The following LARP4 variants were observed in gnomAD, a reference collection of about 807,000 sequenced individuals.
LARP4 encodes La ribonucleoprotein 4, also known as la-related protein 4.
A neutral mutation model predicts 92.9 loss-of-function variants in LARP4; 29 were observed. The observed-to-expected ratio is 0.31, with a 90% CI of 0.23 to 0.43. LARP4 has a LOEUF of 0.43. LARP4 is among the 20% of genes least tolerant of loss of function. The pLI is 1.00. For synonymous variants in LARP4, 279 were observed against 284.1 expected (o/e 0.98, Z 0.18); for missense variants, 732 against 860.0 (o/e 0.85, Z 1.86).
chr12:50,407,245 C>G (rs904871269), intron 1 of LARP4, among the ~76,000 whole-genome samples: 1 of 150,812 alleles, frequency 6.6e-6, no homozygotes, highest in African/African-American at 2.4e-5. Context: ...AGGCTGGTCT[C>G]GAACTCCTGA....
intron 1 of LARP4, among the ~76,000 whole-genome samples, chr12:50,424,433 A>G (rs1185529056): frequency 6.7e-6 from 1 of 149,250 alleles, no homozygotes; most frequent in Non-Finnish European, 1.5e-5. Context: ...ATCTCGGCTC[A>G]CCGCAACCAC....
chr12:50,436,308 C>T (rs1434176778), intron 5 of LARP4, among the ~76,000 whole-genome samples: 2 of 151,914 alleles, frequency 1.3e-5, no homozygotes, highest in African/African-American at 2.4e-5. Context: ...TGAGCCACCA[C>T]CCCCGGCCTA....
chr12:50,440,680 C>A, intron 7 of LARP4, 131 bp downstream of exon 7: 1 of 587,598 alleles, frequency 1.7e-6, no homozygotes, highest in Non-Finnish European at 3.0e-6. Context: ...CACCCTTTTG[C>A]TTTTGCTCAA....
intron 4 of LARP4, among the ~76,000 whole-genome samples, chr12:50,432,854 T>A (rs1159036426): frequency 3.9e-5 from 4 of 103,132 alleles, no homozygotes; most frequent in Admixed American, 1.1e-4. Context: ...GAGCGAGACT[T>A]CGTTTCAAAA....
chr12:50,451,260 C>T (rs909222225), intron 8 of LARP4, among the ~76,000 whole-genome samples: 8 of 152,170 alleles, frequency 5.3e-5, no homozygotes, highest in Non-Finnish European at 8.8e-5. Context: ...CACCATTATA[C>T]TGTCTCTATG....
Position 50,426,717 on chromosome 12 carries a change from GT to G in LARP4, c.19-1044del, listed in dbSNP as rs1206892202. ...TGTGTGTGTGTGTGTGTGTGTGTGT[GT>G]GTGTGTGTGTGTGGTTTTTTTTTTT... On this transcript the variant is annotated intron_variant, in intron 1 of 15. Transcript: ENST00000398473. 5.4e-4 allele frequency among the ~76,000 whole-genome samples: 74 copies of G among 136,012 alleles called. 1 individual carries two copies. The highest frequency in any genetic ancestry group is 7.3e-4 in the African/African-American group (24 of 32,956). The allele number at this position is 136,012 out of a possible 152,430, so 89.2% of individuals were successfully genotyped here.
intron 10 of LARP4, among the ~76,000 whole-genome samples, chr12:50,459,516 C>T (rs149861807): frequency 1.3e-5 from 2 of 151,934 alleles, no homozygotes; most frequent in East Asian, 3.9e-4. Flanking sequence ...CTCCCATTAG[C>T]GTGGTTTTGC....
Position 50,475,534 on chromosome 12 carries a change from A to G in LARP4, c.1845A>G (p.Arg615=). The G allele has an allele frequency of 6.3e-7, 1 of 1,598,842 alleles. No homozygotes were observed. The highest frequency in any genetic ancestry group is 8.5e-7 in the Non-Finnish European group (1 of 1,173,886). The part of the protein sequence containing the change: ...AATAVALQEP[R]KLSYAEVCQK... ...TTATCATCACTTCAAAGGAACCCCG[A>G]AAGTTAAGTTATGCTGAAGTGTGCC... Residue 615 remains arginine, a synonymous_variant, in exon 16 of 16, where the codon CGA becomes CGG. Transcript: ENST00000398473.
chr12:50,410,507 G>A (rs192765372), intron 1 of LARP4, among the ~76,000 whole-genome samples: 20 of 150,660 alleles, frequency 1.3e-4, no homozygotes, highest in East Asian at 5.9e-4. Flanking sequence ...CTGGGTTCAC[G>A]CCATTCTCCT....
chr12:50,417,310 G>C (rs1946979033), intron 1 of LARP4, among the ~76,000 whole-genome samples: 1 of 151,372 alleles, frequency 6.6e-6, no homozygotes, highest in Non-Finnish European at 1.5e-5. Flanking sequence ...AGGAGACAGA[G>C]GATGCAGTGA....
In LARP4 at chr12:50,476,023, A is replaced by C; in HGVS notation, c.*159A>C. ...TTGGAGTTGTGAGTGATAGGATCCC[A>C]AAATTCATCTCTAATGTGGTTTTTA... is the stretch of plus-strand genomic sequence containing the variant. On this transcript the variant is annotated 3_prime_UTR_variant, in exon 16 of 16. Coordinates refer to ENST00000398473, the MANE Select transcript of LARP4 (RefSeq NM_052879.5). 1 of 556,500 alleles carries C rather than the reference A, an allele frequency of 1.8e-6. No homozygotes were observed. The allele number at this position is 556,500 out of a possible 1,614,324, so 34.5% of individuals were successfully genotyped here.
intron 1 of LARP4, among the ~76,000 whole-genome samples, chr12:50,412,019 A>C (rs1483536354): frequency 6.6e-6 from 1 of 152,104 alleles, no homozygotes; most frequent in Non-Finnish European, 1.5e-5. Flanking sequence ...GTTTTGTATT[A>C]ATAGCTATGT....
chr12:50,415,571 T>C (rs1373470473), intron 1 of LARP4: 1 of 152,184 alleles, frequency 6.6e-6, no homozygotes, highest in Admixed American at 6.6e-5. Flanking sequence ...TGGTGAATAT[T>C]TGTCATGTCC....
intron 1 of LARP4, among the ~76,000 whole-genome samples, chr12:50,422,335 AGTTT>A (rs1019567931): frequency 1.3e-5 from 2 of 152,162 alleles, no homozygotes; most frequent in African/African-American, 4.8e-5. Flanking sequence ...CCACAGAATT[AGTTT>A]AACACGTTTG....
intron 3 of LARP4, among the ~76,000 whole-genome samples, chr12:50,429,348 G>T (rs1949290100): frequency 6.6e-6 from 1 of 152,104 alleles, no homozygotes; most frequent in South Asian, 2.1e-4. Context: ...GGTGGCTCAT[G>T]CCTGTAATCC....
chr12:50,450,351 T>C (rs1441722180), intron 8 of LARP4, among the ~76,000 whole-genome samples: 1 of 152,162 alleles, frequency 6.6e-6, no homozygotes, highest in Admixed American at 6.5e-5. Context: ...GGCTACTTTA[T>C]GGGGAAATGG....
chr12:50,473,977 T>G, intron 14 of LARP4, 22 bp from the exon 15 acceptor site: 1 of 1,603,806 alleles, frequency 6.2e-7, no homozygotes, highest in Non-Finnish European at 8.5e-7. Flanking sequence ...CTGAGTCTAA[T>G]TGCAAGCTCT....
At chr12:50,475,236 A>G (rs546716163) in intron 15 of LARP4, among the ~76,000 whole-genome samples, 2 of 152,200 alleles carry the variant, frequency 1.3e-5, no homozygotes, top group Admixed American at 6.5e-5. Context: ...TTATTTCATC[A>G]TATGGCTATA....
chr12:50,401,149 G>T, intron 1 of LARP4, 121 bp downstream of exon 1: 1 of 1,124,680 alleles, frequency 8.9e-7, no homozygotes, highest in South Asian at 1.2e-5. Context: ...CAGATAGGCT[G>T]ACACAGCACC....
Sources: gnomAD v4.1 joint callset for allele counts (sites outside exome capture counted in the v4.1 genomes callset) on GRCh38, gnomAD v4.1.1 for gene constraint, MANE v1.5 for transcripts, NCBI Gene and HGNC (gene_info 2026-07-23, HGNC 2026-07-21) for gene names.